The following BRINP3 variants were observed in gnomAD, a reference collection of about 807,000 sequenced individuals.
The protein encoded by BRINP3 is BMP/retinoic acid inducible neural specific 3, also known as BMP/retinoic acid-inducible neural-specific protein 3.
BRINP3 carries 19 observed loss-of-function variants against 71.0 expected under a neutral mutation model. The ratio of observed to expected loss-of-function variants is 0.27; its 90% CI spans 0.19 to 0.39. The LOEUF (loss-of-function observed/expected upper bound fraction) is 0.39. Among genes scored for constraint, BRINP3 ranks in the 10% least tolerant of loss-of-function variants. The probability of loss-of-function intolerance (pLI) is 1.00; values close to 1 mark genes in which losing one functional copy is unlikely to be tolerated. For missense variants in BRINP3, 959 were observed against 940.8 expected (o/e 1.02, Z -0.25); for synonymous variants, 380 against 337.7 (o/e 1.13, Z -1.37).
chr1:190,245,736 A>C (rs1385399736), intron 4 of BRINP3, among the ~76,000 whole-genome samples: 3 of 145,602 alleles, frequency 2.1e-5, no homozygotes, highest in Non-Finnish European at 4.5e-5. Flanking sequence ...ATATCTCCTA[A>C]TGCTATCCCT....
chr1:190,207,806 T>C (rs1655643897), intron 6 of BRINP3, among the ~76,000 whole-genome samples: 1 of 152,174 alleles, frequency 6.6e-6, no homozygotes, highest in African/African-American at 2.4e-5. Context: ...CATGTTATTG[T>C]TAAAATTAGT....
At chr1:190,375,709 T>C (rs914485195) in intron 2 of BRINP3, among the ~76,000 whole-genome samples, 1 of 152,000 alleles carries the variant, frequency 6.6e-6, no homozygotes, top group African/African-American at 2.4e-5. Context: ...CAGTTGTTCA[T>C]ACACATGTAT....
chr1:190,270,638 C>A (rs1191156968), intron 3 of BRINP3, among the ~76,000 whole-genome samples: 1 of 151,630 alleles, frequency 6.6e-6, no homozygotes, highest in African/African-American at 2.4e-5. Context: ...TTTTGGGTAT[C>A]TTTGAAAAGT....
chr1:190,191,862 C>T (rs1306314265), intron 6 of BRINP3, among the ~76,000 whole-genome samples: 1 of 151,998 alleles, frequency 6.6e-6, no homozygotes. Context: ...TTCAACATTG[C>T]TCCCCAATTT....
At chr1:190,151,095 C>T (rs1182814958) in intron 7 of BRINP3, among the ~76,000 whole-genome samples, 5 of 151,632 alleles carry the variant, frequency 3.3e-5, no homozygotes, top group Admixed American at 2.6e-4. Flanking sequence ...TGCAGTGAGC[C>T]GAGATAGTGC....
intron 2 of BRINP3, among the ~76,000 whole-genome samples, chr1:190,357,169 G>GT (rs1668786221): frequency 6.6e-6 from 1 of 151,946 alleles, no homozygotes; most frequent in South Asian, 2.1e-4. Flanking sequence ...GTAACTATAA[G>GT]TTTTTTCAGA....
rs776950087 is a variant in BRINP3 at position 190,364,376 on chromosome 1, G to A, written c.237-82626C>T. Among the ~76,000 whole-genome samples, 9 of 151,960 alleles carry A rather than the reference G, an allele frequency of 5.9e-5. 1 individual carries two copies. Among genetic ancestry groups the A allele is most frequent in the Non-Finnish European group, 1.0e-4 (7 of 67,984 alleles). ...TAAATGTTCTGAAAATTTTACTTCAGATAATATAAATAAATATTTCTGGTA... is the reference window on the plus strand; with the variant it reads ...TAAATGTTCTGAAAATTTTACTTCAAATAATATAAATAAATATTTCTGGTA... On this transcript the variant is annotated intron_variant, in intron 2 of 7. Coordinates refer to ENST00000367462, the MANE Select transcript of BRINP3 (RefSeq NM_199051.3).
intron 3 of BRINP3, among the ~76,000 whole-genome samples, chr1:190,280,255 A>T (rs529652644): frequency 2.6e-5 from 4 of 151,934 alleles, no homozygotes; most frequent in African/African-American, 9.6e-5. Flanking sequence ...ACTGTGACTG[A>T]AAAATAGAGC....
chr1:190,288,590 G>A (rs1487524122), intron 2 of BRINP3, among the ~76,000 whole-genome samples: 1 of 151,860 alleles, frequency 6.6e-6, no homozygotes, highest in Non-Finnish European at 1.5e-5. Context: ...GATCATGGGT[G>A]TAATAAAACT....
At chr1:190,180,969 T>C (rs1445773521) in intron 6 of BRINP3, among the ~76,000 whole-genome samples, 1 of 152,070 alleles carries the variant, frequency 6.6e-6, no homozygotes, top group African/African-American at 2.4e-5. Flanking sequence ...AATTTATGTG[T>C]ATAGTTATAT....
chr1:190,407,333 GC>G (rs1374304234), intron 2 of BRINP3, among the ~76,000 whole-genome samples: 8 of 152,220 alleles, frequency 5.3e-5, no homozygotes, highest in African/African-American at 1.9e-4. Context: ...TCTGGGGGGA[GC>G]AGGGTACACC....
chr1:190,252,401 CT>C (rs2102820210), intron 4 of BRINP3, among the ~76,000 whole-genome samples: 1 of 152,090 alleles, frequency 6.6e-6, no homozygotes, highest in East Asian at 1.9e-4. Flanking sequence ...AAAGAGAGTA[CT>C]GAGTTTTCTT....
intron 4 of BRINP3, among the ~76,000 whole-genome samples, chr1:190,253,063 T>A (rs34955831): frequency 1.3e-5 from 2 of 152,154 alleles, no homozygotes; most frequent in Non-Finnish European, 2.9e-5. Context: ...TTGCTCAGAA[T>A]GATGGTTTCC....
intron 2 of BRINP3, among the ~76,000 whole-genome samples, chr1:190,288,997 C>A (rs1292867781): frequency 6.6e-6 from 1 of 151,786 alleles, no homozygotes; most frequent in Non-Finnish European, 1.5e-5. Context: ...GATGATACAA[C>A]ATCTACCTTA....
At chr1:190,234,547 G>A in intron 4 of BRINP3, 70 bp from the exon 5 acceptor site, 1 of 1,124,986 alleles carries the variant, frequency 8.9e-7, no homozygotes, top group Non-Finnish European at 1.3e-6. Flanking sequence ...CACTGTAGTT[G>A]TCACACACTA....
intron 7 of BRINP3, among the ~76,000 whole-genome samples, chr1:190,160,400 A>G (rs1465293547): frequency 6.6e-6 from 1 of 152,076 alleles, no homozygotes; most frequent in Admixed American, 6.6e-5. Context: ...TTAGTTGGCT[A>G]CAACACATAA....
intron 2 of BRINP3, among the ~76,000 whole-genome samples, chr1:190,346,904 G>C (rs1668058045): frequency 6.6e-6 from 1 of 152,036 alleles, no homozygotes; most frequent in Admixed American, 6.6e-5. Flanking sequence ...GATAAAAAGT[G>C]TCCTATATTT....
chr1:190,246,416 C>T (rs1659616741), intron 4 of BRINP3, among the ~76,000 whole-genome samples: 1 of 151,800 alleles, frequency 6.6e-6, no homozygotes, highest in Non-Finnish European at 1.5e-5. Flanking sequence ...TTATAAAACC[C>T]CAGGTCTATG....
chr1:190,297,326 A>C (rs1429950583), intron 2 of BRINP3, among the ~76,000 whole-genome samples: 1 of 152,086 alleles, frequency 6.6e-6, no homozygotes, highest in Middle Eastern at 3.2e-3. Context: ...TCATAAGTGA[A>C]GGATTAAAAT....
Sources: gnomAD v4.1 joint callset for allele counts (sites outside exome capture counted in the v4.1 genomes callset) on GRCh38, gnomAD v4.1.1 for gene constraint, MANE v1.5 for transcripts, NCBI Gene and HGNC (gene_info 2026-07-23, HGNC 2026-07-21) for gene names.